The following PRRC2B variants were observed in gnomAD, a reference collection of about 807,000 sequenced individuals.
PRRC2B encodes the protein proline rich coiled-coil 2B.
Under a neutral mutation model 242.3 loss-of-function variants are expected in PRRC2B, and 68 were observed. That is an observed-to-expected ratio of 0.28 (90% CI 0.23 to 0.34). PRRC2B has a LOEUF of 0.34. PRRC2B is among the 10% of genes least tolerant of loss of function. PRRC2B has a pLI of 1.00. For missense variants in PRRC2B, 2,835 were observed against 2,954.8 expected (o/e 0.96, Z 0.94); for synonymous variants, 1,228 against 1,173.6 (o/e 1.05, Z -0.95).
chr9:131,420,484 T>TCC (rs1491142291), intron 1 of PRRC2B, among the ~76,000 whole-genome samples: 5 of 16,502 alleles, frequency 3.0e-4, no homozygotes, highest in African/African-American at 6.7e-4. Flanking sequence ...TTTCTTTCTT[T>TCC]CTTTCTTTCT....
At chr9:131,488,708 G>A (rs1588282761) in intron 28 of PRRC2B, among the ~76,000 whole-genome samples, 1 of 152,152 alleles carries the variant, frequency 6.6e-6, no homozygotes, top group South Asian at 2.1e-4. Flanking sequence ...TGTAGTTGTT[G>A]ATGCTTCTAG....
rs926972314 is a variant in PRRC2B at position 131,429,721 on chromosome 9, T to A, written c.-51-373T>A. 4.6e-5 allele frequency among the ~76,000 whole-genome samples: 7 copies of A among 152,310 alleles called. No individual in the cohort carries two copies. The East Asian group carries it at 1.3e-3, about 29-fold the overall frequency. On this transcript the variant is annotated intron_variant, in intron 1 of 31. Coordinates refer to ENST00000683519, the MANE Select transcript of PRRC2B (RefSeq NM_013318.4). ...GTTATACATGGATGTGTTAAAGTACTGAGCATTTATTTTTCCATCTTGAGC... is the reference window on the plus strand; with the variant it reads ...GTTATACATGGATGTGTTAAAGTACAGAGCATTTATTTTTCCATCTTGAGC...
intron 3 of PRRC2B, among the ~76,000 whole-genome samples, chr9:131,433,185 G>A (rs1838236428): frequency 6.6e-6 from 1 of 152,194 alleles, no homozygotes; most frequent in Admixed American, 6.5e-5. Context: ...CATTCCTGGT[G>A]ATGGGTGTCC....
At chr9:131,471,066 T>C (rs1331618536) in intron 14 of PRRC2B, 83 bp downstream of exon 14, 1 of 985,410 alleles carries the variant, frequency 1.0e-6, no homozygotes, top group Non-Finnish European at 1.5e-6. Flanking sequence ...GTTAAACAGA[T>C]ACACCTGGAT....
intron 1 of PRRC2B, among the ~76,000 whole-genome samples, chr9:131,413,428 G>A (rs1837556406): frequency 6.6e-6 from 1 of 152,216 alleles, no homozygotes; most frequent in African/African-American, 2.4e-5. Context: ...CCTTTCTGCA[G>A]AAAGTATAAA....
At chr9:131,377,417 C>A (rs1836701492) in intron 1 of PRRC2B, among the ~76,000 whole-genome samples, 1 of 152,068 alleles carries the variant, frequency 6.6e-6, no homozygotes, top group African/African-American at 2.4e-5. Flanking sequence ...CTGGCCTATA[C>A]TATTAATTTT....
chr9:131,479,494 TG>T (rs1943797547), intron 19 of PRRC2B, 101 bp downstream of exon 19: 1 of 1,151,998 alleles, frequency 8.7e-7, no homozygotes, highest in South Asian at 1.5e-5. Flanking sequence ...CGAATATAGA[TG>T]GAATACAGAT....
At chr9:131,440,070 T>C (rs1838511816) in intron 5 of PRRC2B, among the ~76,000 whole-genome samples, 1 of 152,018 alleles carries the variant, frequency 6.6e-6, no homozygotes, top group African/African-American at 2.4e-5. Flanking sequence ...ATTAATTGAT[T>C]GACTGAGTGA....
At chr9:131,374,412 AAAAAG>A (rs1364667603) in intron 1 of PRRC2B, among the ~76,000 whole-genome samples, 1 of 152,264 alleles carries the variant, frequency 6.6e-6, no homozygotes, top group Non-Finnish European at 1.5e-5. Flanking sequence ...TGTATTCTAA[AAAAAG>A]AAAAAAGTCA....
chr9:131,487,561 C>A lies in PRRC2B; in HGVS notation c.5984+267C>A, dbSNP rs1449249738. ...CCTTGCTCCTTCCTCCTCCTCTCCCCTTGACTCCCTGTCTCCTCCCCACCG... is the reference window on the plus strand; with the variant it reads ...CCTTGCTCCTTCCTCCTCCTCTCCCATTGACTCCCTGTCTCCTCCCCACCG... On this transcript the variant is annotated intron_variant, in intron 27 of 31. Transcript: ENST00000683519. The surrounding 1 kb of genome is among the most constrained non-coding windows in gnomAD (Gnocchi z 5.3). Among the ~76,000 whole-genome samples, 1 of 152,208 alleles carries A rather than the reference C, an allele frequency of 6.6e-6. No homozygotes were observed. The highest frequency in any genetic ancestry group is 1.5e-5 in the Non-Finnish European group (1 of 68,030).
At chr9:131,404,342 C>T (rs979040125) in intron 1 of PRRC2B, among the ~76,000 whole-genome samples, 3 of 151,726 alleles carry the variant, frequency 2.0e-5, no homozygotes, top group Admixed American at 6.6e-5. Context: ...GCCTCAGCCT[C>T]CCTAGTAGCT....
rs1194086308 is a variant in PRRC2B at position 131,479,349 on chromosome 9, C to T, written c.4856C>T (p.Pro1619Leu). 15 of 1,613,784 alleles carry T rather than the reference C, an allele frequency of 9.3e-6. No homozygotes were observed. Among genetic ancestry groups the T allele is most frequent in the South Asian group, 6.6e-5 (6 of 91,060 alleles). ...CTGGAGCAAGGTGACGTGACCGTGC[C>T]TGGCAGCAGCCTGGGCACTGAGATC... ...LCLEQGDVTV[P>L]GSSLGTEIWE... The change falls in exon 19 of 32, where the codon CCT becomes CTT. Residue 1619 changes from proline to leucine, a missense_variant. This residue lies in a region of PRRC2B where 1,536 missense variants were observed against 1,483.1 expected (regional missense o/e 1.04). Coordinates refer to ENST00000683519, the MANE Select transcript of PRRC2B (RefSeq NM_013318.4).
chr9:131,446,382 G>GC lies in PRRC2B; in HGVS notation c.614-14dup. On this transcript the variant is annotated intron_variant, in intron 6 of 31. Transcript: ENST00000683519. The surrounding 1 kb of genome is among the most constrained non-coding windows in gnomAD (Gnocchi z 4.1). ...CCCCTCCTCTTCCCTCTCCCCTTTT[G>GC]CCCCCTTTCAATTTCCAGATGTGAC... 1 of 1,611,980 alleles carries GC rather than the reference G, an allele frequency of 6.2e-7. No homozygotes were observed. Among genetic ancestry groups the GC allele is most frequent in the Non-Finnish European group, 8.5e-7 (1 of 1,179,276 alleles).
In PRRC2B at chr9:131,458,597, G is replaced by A. The variant is rs562648631; in HGVS notation, c.1212-567G>A. On this transcript the variant is annotated intron_variant, in intron 10 of 31. Transcript: ENST00000683519. The stretch of plus-strand genomic sequence containing the variant: ...TTGGCTCACTGCAACCTTCACCTCT[G>A]GGGTTCAAGCACTTCTCCCACCTCA... Among the ~76,000 whole-genome samples, 56 of 151,986 alleles carry A rather than the reference G, an allele frequency of 3.7e-4. No homozygotes were observed. In the Middle Eastern group the frequency reaches 0.014, roughly 37 times the overall value.
Position 131,446,656 on chromosome 9 carries a change from G to T in PRRC2B, c.855+14G>T. On this transcript the variant is annotated intron_variant, in intron 7 of 31. Transcript: ENST00000683519. This position sits in a 1 kb window ranked among gnomAD's most constrained non-coding sequence, Gnocchi z 4.1. Reference sequence around the variant, plus strand: ...CTTCCTGCTTTTGTAAGTCTTCAGAGTGTACTTTTTTTCCCCCCATGAAGT... The same window carrying T: ...CTTCCTGCTTTTGTAAGTCTTCAGATTGTACTTTTTTTCCCCCCATGAAGT... 1 of 1,612,606 alleles carries T rather than the reference G, an allele frequency of 6.2e-7. No individual in the cohort carries two copies. Among genetic ancestry groups the T allele is most frequent in the Non-Finnish European group, 8.5e-7 (1 of 1,178,954 alleles).
chr9:131,442,977 C>T (rs565264623), intron 5 of PRRC2B, among the ~76,000 whole-genome samples: 2 of 152,240 alleles, frequency 1.3e-5, no homozygotes, highest in Non-Finnish European at 2.9e-5. Flanking sequence ...AATGTTTGGC[C>T]TTGTAGGGCT....
chr9:131,443,592 C>CT (rs1838687461), intron 5 of PRRC2B, among the ~76,000 whole-genome samples: 1 of 152,066 alleles, frequency 6.6e-6, no homozygotes, highest in Admixed American at 6.6e-5. Context: ...CGCCACCAGA[C>CT]TAATTTTTTG....
rs1358577422 is a variant in PRRC2B, at chr9:131,412,290, CT to C, written c.-51-17800del. Among the ~76,000 whole-genome samples the C allele has an allele frequency of 2.0e-5, 3 of 152,212 alleles. No individual in the cohort carries two copies. In the East Asian group the frequency reaches 5.8e-4, roughly 29 times the overall value. ...AAACTACCCTGCTCTGCTGCTTGCT[CT>C]TTTGTGTCTGTCTCCTTTGATTCAA... On this transcript the variant is annotated intron_variant, in intron 1 of 31. Coordinates refer to ENST00000683519, the MANE Select transcript of PRRC2B (RefSeq NM_013318.4).
At chr9:131,406,137 G>A (rs1837355693) in intron 1 of PRRC2B, among the ~76,000 whole-genome samples, 1 of 152,094 alleles carries the variant, frequency 6.6e-6, no homozygotes, top group Non-Finnish European at 1.5e-5. Flanking sequence ...GTACACTTGG[G>A]GCTTGTTTGT....
Sources: gnomAD v4.1 joint callset for allele counts (sites outside exome capture counted in the v4.1 genomes callset) on GRCh38, gnomAD v4.1.1 for gene constraint, gnomAD v4.1.1 regional missense constraint, Gnocchi (gnomAD v3.1) non-coding constraint, MANE v1.5 for transcripts, NCBI Gene and HGNC (gene_info 2026-07-23, HGNC 2026-07-21) for gene names.